Variants in TMEM120A observed in about 807,000 individuals in gnomAD.
TMEM120A encodes the protein ion channel TACAN.
A neutral mutation model predicts 54.3 loss-of-function variants in TMEM120A; 45 were observed. The ratio of observed to expected loss-of-function variants is 0.83; its 90% confidence interval spans 0.65 to 1.06. The LOEUF is 1.06. TMEM120A is among the 50% of genes least tolerant of loss of function. TMEM120A has a pLI of 0.00. For synonymous variants in TMEM120A, 204 were observed against 178.5 expected (o/e 1.14, Z -1.14); for missense variants, 424 against 441.7 (o/e 0.96, Z 0.36).
chr7:75,986,868 T>C lies in TMEM120A; in HGVS notation c.*304A>G, dbSNP rs1186379474. The C allele has an allele frequency of 1.7e-6, 1 of 582,060 alleles. No homozygotes were observed. The highest frequency in any genetic ancestry group is 1.9e-5 in the African/African-American group (1 of 53,800). The allele number at this position is 582,060 out of a possible 1,614,324, so 36.1% of individuals were successfully genotyped here. A position where few individuals can be genotyped will look rare whatever the true frequency, so the allele number is the denominator to read the frequency against. On this transcript the variant is annotated 3_prime_UTR_variant, in exon 12 of 12. Transcript: ENST00000493111. ...TCTGTTTTCTGTATTTGCCTGGTATTGTGTGAGTAGATCTGGGACCTCCAC... is the reference window on the plus strand; with the variant it reads ...TCTGTTTTCTGTATTTGCCTGGTATCGTGTGAGTAGATCTGGGACCTCCAC...
chr7:75,992,627 G>A, intron 1 of TMEM120A, 70 bp from the exon 2 acceptor site: 1 of 1,161,068 alleles, frequency 8.6e-7, no homozygotes, highest in Non-Finnish European at 1.2e-6. Context: ...GGCAGGACGT[G>A]GCGCTCAGGC....
chr7:75,987,556 A>G lies in TMEM120A; in HGVS notation c.831T>C (p.Pro277=), dbSNP rs1554560168. The G allele has an allele frequency of 1.3e-6, 2 of 1,598,814 alleles. No individual in the cohort carries two copies. Among genetic ancestry groups the G allele is most frequent in the African/African-American group, 1.3e-5 (1 of 74,584 alleles). ...WMWRGLTFLL[P]FLFFGHFWQL... ...GACTTACGTGTCCAAAGAAAAGAAA[A>G]GGCAGCAGGAAGGTGAGGCCCCGCC... Residue 277 remains proline, a synonymous_variant, in exon 10 of 12, where the codon CCT becomes CCC. Transcript: ENST00000493111.
chr7:75,987,177 CCTT>C lies in TMEM120A; in HGVS notation c.1024_1026del (p.Lys342del), dbSNP rs782329401. On this transcript the variant is annotated inframe_deletion, in exon 12 of 12. Coordinates refer to ENST00000493111, the MANE Select transcript of TMEM120A (RefSeq NM_031925.3). The stretch of plus-strand genomic sequence containing the variant: ...CGGCAGGGGAAGGCCCAGCCTCAAT[CCTT>C]CTTGCTCCCGTGCCGCTGACTGTGA... 55 of 1,598,532 alleles carry C rather than the reference CCTT, an allele frequency of 3.4e-5. No individual in the cohort carries two copies. The African/African-American group carries it at 5.8e-4, about 17-fold the overall frequency.
At position 75,988,116 on chromosome 7, in the gene TMEM120A, A is replaced by T. The variant is rs1789617818; in HGVS notation, c.596T>A (p.Val199Glu). 1 of 1,610,082 alleles carries T rather than the reference A, an allele frequency of 6.2e-7. No homozygotes were observed. The highest frequency in any genetic ancestry group is 8.5e-7 in the Non-Finnish European group (1 of 1,178,742). Residue 199 changes from valine (V) to glutamate (E), a missense_variant, in exon 7 of 12, where the codon GTG (valine) becomes GAG (glutamate). Coordinates refer to ENST00000493111, the MANE Select transcript of TMEM120A (RefSeq NM_031925.3). ...IKGWWVFHHYVSTFLSGVMLT... is the reference protein window; with the variant it reads ...IKGWWVFHHYESTFLSGVMLT... The stretch of plus-strand genomic sequence containing the variant: ...CATGACTCCCGACAGGAAGGTGGAC[A>T]CGTAGTGATGGAACACCCACCAGCC...
At chr7:75,987,330 C>T in intron 11 of TMEM120A, 30 bp downstream of exon 11, 1 of 1,565,964 alleles carries the variant, frequency 6.4e-7, no homozygotes, top group Non-Finnish European at 8.6e-7. Context: ...CCTGGCCCCC[C>T]ATCCATCCTG....
Position 75,992,553 on chromosome 7 carries a change from G to T in TMEM120A, c.86C>A (p.Thr29Asn), listed in dbSNP as rs1554562115. The change falls in exon 2 of 12, where the codon ACC becomes AAC. Residue 29 changes from threonine to asparagine, a missense_variant. Physicochemically the swap from Thr to Asn is moderately conservative, Grantham distance 65 (BLOSUM62 0). Transcript: ENST00000493111. ...CAGCTTCAGGCGGTAGAGCCGATGG[G>T]TCTCCTGGGGGCCGGAGGGGAGAGG... ...LQQDFQNIQETHRLYRLKLEE... is the reference protein window; with the variant it reads ...LQQDFQNIQENHRLYRLKLEE... The T allele has an allele frequency of 6.4e-7, 1 of 1,571,290 alleles. No individual in the cohort carries two copies. The highest frequency in any genetic ancestry group is 1.9e-5 in the Admixed American group (1 of 53,864).
Position 75,988,474 on chromosome 7 carries a change from G to A in TMEM120A, c.420C>T (p.Leu140=), listed in dbSNP as rs782016924. ...KDEYEKFKLY[L]TIILILISFT... ...AGGAGATGAGGATGAGGATGATGGT[G>A]AGGTAGAGCTTGAACTTCTCATACT... is the stretch of plus-strand genomic sequence containing the variant. The change falls in exon 5 of 12, where the codon CTC becomes CTT. Residue 140 remains leucine, a synonymous_variant. Coordinates refer to ENST00000493111, the MANE Select transcript of TMEM120A (RefSeq NM_031925.3). 18 of 1,610,342 alleles carry A rather than the reference G, an allele frequency of 1.1e-5. No individual in the cohort carries two copies. The East Asian group carries it at 4.0e-4, about 36-fold the overall frequency.
intron 1 of TMEM120A, 37 bp from the exon 2 acceptor site, chr7:75,992,594 G>C (rs61100678): frequency 6.8e-7 from 1 of 1,471,188 alleles, no homozygotes; most frequent in African/African-American, 1.4e-5. Flanking sequence ...GCCAGTTGGG[G>C]AGCTACTGAG....
At chr7:75,988,182 T>C (rs1554560623) in intron 6 of TMEM120A, 34 bp from the exon 7 acceptor site, 1 of 1,611,380 alleles carries the variant, frequency 6.2e-7, no homozygotes, top group African/African-American at 1.3e-5. Context: ...CCCCAGCGCC[T>C]GTTCCTGCTT....
In TMEM120A at chr7:75,994,487, A is replaced by C. The variant is rs782488736; in HGVS notation, c.81+3T>G. The stretch of plus-strand genomic sequence containing the variant: ...GCGACCCGGCGTCCGCAGCGGCGCT[A>C]ACCTGGATGTTCTGGAAGTCCTGCT... On this transcript the variant is annotated splice_donor_region_variant and intron_variant, in intron 1 of 11. Transcript: ENST00000493111. The C allele has an allele frequency of 6.4e-7, 1 of 1,562,440 alleles. No homozygotes were observed. The highest frequency in any genetic ancestry group is 8.7e-7 in the Non-Finnish European group (1 of 1,154,598).
At chr7:75,988,053 T>C in intron 7 of TMEM120A, 30 bp downstream of exon 7, 2 of 1,599,520 alleles carry the variant, frequency 1.3e-6, no homozygotes, top group African/African-American at 1.3e-5. Flanking sequence ...TTGTCCCAGC[T>C]CCTGCCCCTG....
rs373297647 is a variant in TMEM120A at position 75,987,617 on chromosome 7, G to T, written c.785-15C>A. Reference sequence around the variant, plus strand: ...CTGGAAGCCCTCTGCGGGGAGGAAGGTCAGGGCACAGGACGGCCAGGGACA... The same window carrying T: ...CTGGAAGCCCTCTGCGGGGAGGAAGTTCAGGGCACAGGACGGCCAGGGACA... On this transcript the variant is annotated splice_polypyrimidine_tract_variant and intron_variant, in intron 9 of 11. Transcript: ENST00000493111. 23 of 1,607,434 alleles carry T rather than the reference G, an allele frequency of 1.4e-5. No individual in the cohort carries two copies. The South Asian group carries it at 2.2e-4, about 16-fold the overall frequency.
chr7:75,990,975 G>A (rs1261514498), intron 3 of TMEM120A, among the ~76,000 whole-genome samples: 5 of 149,388 alleles, frequency 3.3e-5, no homozygotes, highest in South Asian at 4.3e-4. Context: ...CCCCAAGATC[G>A]ACATCCATCC....
chr7:75,987,237 A>T lies in TMEM120A; in HGVS notation c.967T>A (p.Phe323Ile), dbSNP rs1277112399. The T allele has an allele frequency of 2.1e-5, 33 of 1,608,964 alleles. No individual in the cohort carries two copies. The highest frequency in any genetic ancestry group is 2.7e-5 in the Non-Finnish European group (32 of 1,178,256). The part of the protein sequence containing the change: ...PFLLLFLGNF[F>I]TTLRVVHHKF... Reference sequence around the variant, plus strand: ...TGGTGCACAACCCTCAGGGTGGTGAAGAAATTGCCGAGGAAAAGGAGGAGG... The same window carrying T: ...TGGTGCACAACCCTCAGGGTGGTGATGAAATTGCCGAGGAAAAGGAGGAGG... Residue 323 changes from phenylalanine to isoleucine, a missense_variant, in exon 12 of 12, where the codon TTC (phenylalanine) becomes ATC (isoleucine). Physicochemically the swap from Phe to Ile is conservative, Grantham distance 21 (BLOSUM62 0). Transcript: ENST00000493111.
In TMEM120A at chr7:75,989,208, C is replaced by T; in HGVS notation, c.334G>A (p.Val112Ile). The change falls in exon 4 of 12, where the codon GTT becomes ATT. Residue 112 changes from valine to isoleucine, a missense_variant. Val to Ile is a conservative substitution (Grantham distance 29, BLOSUM62 3). Transcript: ENST00000493111. ...AGCGTGACGTTGACGTTCCCCAGAA[C>T]CAGGCTCAGGTACAATCTAGGGAAG... ...PKKNGLYLSL[V>I]LGNVNVTLLS... The T allele has an allele frequency of 6.4e-7, 1 of 1,563,984 alleles. No homozygotes were observed. The highest frequency in any genetic ancestry group is 8.7e-7 in the Non-Finnish European group (1 of 1,155,410).
intron 3 of TMEM120A, among the ~76,000 whole-genome samples, chr7:75,991,620 G>C (rs1450603472): frequency 2.6e-5 from 4 of 152,118 alleles, no homozygotes; most frequent in Admixed American, 6.6e-5. Flanking sequence ...GCCCAGGCGG[G>C]TCTTGAACTC....
Position 75,988,239 on chromosome 7 carries a change from C to T in TMEM120A, c.563+13G>A. The stretch of plus-strand genomic sequence containing the variant: ...ATTCCATGCTCCCCTCCCTCAGGGC[C>T]CGCCCTGCCCACCGGGAGCCGTTGT... On this transcript the variant is annotated intron_variant, in intron 6 of 11. Coordinates refer to ENST00000493111, the MANE Select transcript of TMEM120A (RefSeq NM_031925.3). The T allele has an allele frequency of 6.2e-7, 1 of 1,611,878 alleles. No individual in the cohort carries two copies. The highest frequency in any genetic ancestry group is 8.5e-7 in the Non-Finnish European group (1 of 1,179,776).
intron 5 of TMEM120A, 23 bp downstream of exon 5, chr7:75,988,398 C>CA: frequency 1.2e-6 from 2 of 1,607,132 alleles, no homozygotes; most frequent in Non-Finnish European, 1.7e-6. Flanking sequence ...GGGGTGGGTC[C>CA]TCGGCCGGGG....
chr7:75,992,629 C>T (rs1008812232), intron 1 of TMEM120A, 72 bp from the exon 2 acceptor site: 35 of 1,146,822 alleles, frequency 3.1e-5, no homozygotes, highest in Admixed American at 4.3e-5. Context: ...CAGGACGTGG[C>T]GCTCAGGCTC....
Sources: gnomAD v4.1 joint callset for allele counts (sites outside exome capture counted in the v4.1 genomes callset) on GRCh38, gnomAD v4.1.1 for gene constraint, MANE v1.5 for transcripts, NCBI Gene and HGNC (gene_info 2026-07-23, HGNC 2026-07-21) for gene names.